The following ADGB variants were observed in gnomAD, a reference collection of about 807,000 sequenced individuals.
ADGB encodes the protein calpain-7-like protein.
ADGB carries 172 observed loss-of-function variants against 210.5 expected under a neutral mutation model. The ratio of observed to expected loss-of-function variants is 0.82; its 90% CI spans 0.72 to 0.93. ADGB has a LOEUF of 0.93. Ranked by LOEUF, ADGB falls within the 40% of genes least tolerant of loss-of-function variation. ADGB has a pLI of 0.00. For missense variants in ADGB, 2,025 were observed against 1,964.8 expected, an observed-to-expected ratio of 1.03 and a Z score of -0.58; for synonymous variants, 658 against 662.7, an observed-to-expected ratio of 0.99 and a Z score of 0.11.
At chr6:146,752,421 C>G in intron 26 of ADGB, 109 bp from the exon 27 acceptor site, 1 of 982,410 alleles carries the variant, frequency 1.0e-6, no homozygotes, top group East Asian at 2.7e-5. Context: ...GTGAGGGTCA[C>G]AGTTTGACAG....
At chr6:146,706,784 TC>T (rs1776575953) in intron 13 of ADGB, among the ~76,000 whole-genome samples, 1 of 151,700 alleles carries the variant, frequency 6.6e-6, no homozygotes. Flanking sequence ...TTCTCCTTTT[TC>T]TTAATTAGTC....
chr6:146,806,476 G>T (rs1394299402), intron 35 of ADGB, among the ~76,000 whole-genome samples: 2 of 152,036 alleles, frequency 1.3e-5, no homozygotes, highest in Non-Finnish European at 2.9e-5. Flanking sequence ...AATTGGTTTA[G>T]TCAATCCAGT....
chr6:146,773,732 A>T (rs914862652), intron 29 of ADGB, among the ~76,000 whole-genome samples: 8 of 152,118 alleles, frequency 5.3e-5, no homozygotes, highest in African/African-American at 1.9e-4. Context: ...AAAGCCCAGA[A>T]TCTTCCACCA....
intron 1 of ADGB, among the ~76,000 whole-genome samples, chr6:146,603,120 T>C (rs116074343): frequency 0.017 from 2,621 of 152,228 alleles, 64 homozygotes; most frequent in African/African-American, 0.058. Context: ...TACCATTCCA[T>C]TGAGAATTAA....
rs1186452454 is a variant in ADGB at position 146,785,678 on chromosome 6, T to C, written c.4281T>C (p.Pro1427=). ...IKKTSDAESP[P]ISESQTKPKE... is the part of the protein sequence containing the mutation. ...AAACATCTGATGCTGAGAGTCCGCC[T>C]ATATCTGAAAGCCAAACTAAACCAA... Residue 1427 remains proline, a synonymous_variant, in exon 32 of 36, where the codon CCT becomes CCC. Coordinates refer to ENST00000397944, the MANE Select transcript of ADGB (RefSeq NM_024694.4). 69 of 1,550,936 alleles carry C rather than the reference T, an allele frequency of 4.4e-5. No homozygotes were observed. The East Asian group carries it at 1.7e-3, about 38-fold the overall frequency.
At chr6:146,770,549 G>A in intron 29 of ADGB, 1 of 468,654 alleles carries the variant, frequency 2.1e-6, no homozygotes, top group Non-Finnish European at 4.4e-6. Context: ...TAGCACTAGT[G>A]GGAGATGTCA....
chr6:146,635,353 C>T (rs1325449939), intron 1 of ADGB, 22 bp from the exon 2 acceptor site: 1 of 1,416,968 alleles, frequency 7.1e-7, no homozygotes, highest in Non-Finnish European at 9.3e-7. Context: ...ACCTAACCCA[C>T]CCACTCTCTG....
rs1307349840 is a variant in ADGB, at chr6:146,715,415, G to A, written c.1741G>A (p.Gly581Ser). 1.3e-6 allele frequency: 2 copies of A among 1,495,622 alleles called. No individual in the cohort carries two copies. The highest frequency in any genetic ancestry group is 1.8e-6 in the Non-Finnish European group (2 of 1,122,730). The allele number at this position is 1,495,622 out of a possible 1,614,324, so 92.6% of individuals were successfully genotyped here. A position where few individuals can be genotyped will look rare whatever the true frequency, so the allele number is the denominator to read the frequency against. ...TGCTTCACAAGTTATACTTGGAAAA[G>A]GTAAATTAATAATTTTCCTGTGACT... ...NTASQVILGK[G>S]TDEQTDFGLG... is the part of the protein sequence containing the mutation. The change falls in exon 14 of 36, where the codon GGC (glycine) becomes AGC (serine). Residue 581 changes from glycine (G) to serine (S), a missense_variant and splice_region_variant. Coordinates refer to ENST00000397944, the MANE Select transcript of ADGB (RefSeq NM_024694.4).
intron 3 of ADGB, among the ~76,000 whole-genome samples, chr6:146,646,628 G>A (rs1775616872): frequency 6.6e-6 from 1 of 152,088 alleles, no homozygotes. Flanking sequence ...AGTGATACTA[G>A]AGTCCATGAC....
rs1192772237 is a variant in ADGB, at chr6:146,629,832, A to C, written c.75-5543A>C. Among the ~76,000 whole-genome samples, 6 of 152,314 alleles carry C rather than the reference A, an allele frequency of 3.9e-5. No homozygotes were observed. In the East Asian group the frequency reaches 1.2e-3, roughly 29 times the overall value. ...TTACTCCTTTATAATACATTCTTAC[A>C]TGCTACTTAGGAATCCTCTTTAACA... On this transcript the variant is annotated intron_variant, in intron 1 of 35. Coordinates refer to ENST00000397944, the MANE Select transcript of ADGB (RefSeq NM_024694.4).
At chr6:146,687,695 A>C (rs761532624) in intron 10 of ADGB, among the ~76,000 whole-genome samples, 5 of 152,044 alleles carry the variant, frequency 3.3e-5, no homozygotes, top group Non-Finnish European at 5.9e-5. Context: ...TAGGTGCAGC[A>C]AACCACCATG....
chr6:146,712,248 G>T (rs1023263128), intron 13 of ADGB, among the ~76,000 whole-genome samples: 1 of 151,746 alleles, frequency 6.6e-6, no homozygotes, highest in Non-Finnish European at 1.5e-5. Flanking sequence ...GCAGTGGAGT[G>T]ATCTTGGCTC....
intron 11 of ADGB, among the ~76,000 whole-genome samples, chr6:146,691,819 A>C (rs894749345): frequency 2.0e-5 from 3 of 151,778 alleles, no homozygotes; most frequent in Non-Finnish European, 2.9e-5. Flanking sequence ...AGCAAAGTGC[A>C]TCTGCTTTTA....
At chr6:146,733,495 C>T (rs1777034078) in intron 21 of ADGB, among the ~76,000 whole-genome samples, 1 of 152,094 alleles carries the variant, frequency 6.6e-6, no homozygotes, top group South Asian at 2.1e-4. Context: ...GTTTTATTTA[C>T]TCCTAACCTT....
intron 14 of ADGB, among the ~76,000 whole-genome samples, chr6:146,715,931 G>A (rs1776725974): frequency 6.6e-6 from 1 of 151,746 alleles, no homozygotes; most frequent in South Asian, 2.1e-4. Flanking sequence ...AGCAGGGCAT[G>A]GTGGTGTGTG....
chr6:146,796,125 A>T (rs573163310), intron 33 of ADGB, among the ~76,000 whole-genome samples: 1 of 152,242 alleles, frequency 6.6e-6, no homozygotes, highest in South Asian at 2.1e-4. Flanking sequence ...AAACTTAGGA[A>T]TTTACCTAAC....
In ADGB at chr6:146,804,927, A is replaced by G. The variant is rs183894196; in HGVS notation, c.4818+2916A>G. On this transcript the variant is annotated intron_variant, in intron 35 of 35. Coordinates refer to ENST00000397944, the MANE Select transcript of ADGB (RefSeq NM_024694.4). ...CCATTTTTTACACAAGATCACAGAT[A>G]ATACCTAAATAAATAGGATAATGGC... 1.1e-3 allele frequency among the ~76,000 whole-genome samples: 161 copies of G among 152,378 alleles called. 1 individual carries two copies. The highest frequency in any genetic ancestry group is 3.7e-3 in the African/African-American group (154 of 41,592).
intron 21 of ADGB, 48 bp from the exon 22 acceptor site, chr6:146,733,845 A>G (rs1455449728): frequency 1.3e-6 from 2 of 1,548,296 alleles, no homozygotes; most frequent in Non-Finnish European, 1.7e-6. Flanking sequence ...AACTTAGGGA[A>G]GGGATTAAAT....
intron 35 of ADGB, among the ~76,000 whole-genome samples, chr6:146,809,934 C>G (rs1431372203): frequency 6.6e-6 from 1 of 151,664 alleles, no homozygotes; most frequent in Non-Finnish European, 1.5e-5. Context: ...GAAGCACAGG[C>G]AACAAAAGCA....
Sources: allele counts gnomAD v4.1 joint callset (sites outside exome capture counted in the v4.1 genomes callset), GRCh38; gene constraint gnomAD v4.1.1; transcripts MANE v1.5; gene names NCBI Gene and HGNC (gene_info 2026-07-23, HGNC 2026-07-21).